The following PODXL2 variants were observed in gnomAD, a reference collection of about 807,000 sequenced individuals.
PODXL2 encodes the protein podocalyxin-like protein 2.
A neutral mutation model predicts 53.4 loss-of-function variants in PODXL2; 17 were observed. The ratio of observed to expected loss-of-function variants is 0.32; its 90% confidence interval spans 0.22 to 0.48. PODXL2 has a LOEUF of 0.48. PODXL2 is among the 20% of genes least tolerant of loss of function. PODXL2 has a pLI of 0.99. For missense variants in PODXL2, 673 were observed against 760.0 expected (o/e 0.89, Z 1.35); for synonymous variants, 311 against 306.7 (o/e 1.01, Z -0.15).
rs987856752 is a variant in PODXL2, at chr3:127,629,204, C to T, written c.-16C>T. On this transcript the variant is annotated 5_prime_UTR_variant, in exon 1 of 8. Transcript: ENST00000342480. The surrounding 1 kb of genome is among the most constrained non-coding windows in gnomAD (Gnocchi z 6.4). ...GGCGCCGCGCCGCTGCGGCTGCAGG[C>T]GGCGACGGCTACACCATGGGCCGGC... 8.2e-5 allele frequency: 81 copies of T among 985,220 alleles called. No homozygotes were observed. The highest frequency in any genetic ancestry group is 1.3e-4 in the Admixed American group (2 of 15,928). The allele number at this position is 985,220 out of a possible 1,614,324, so 61.0% of individuals were successfully genotyped here.
intron 2 of PODXL2, among the ~76,000 whole-genome samples, chr3:127,641,685 G>A (rs1027783471): frequency 1.3e-5 from 2 of 151,402 alleles, no homozygotes; most frequent in Admixed American, 1.3e-4. Flanking sequence ...GAATAATTTT[G>A]TATTTTTTTT....
In PODXL2 at chr3:127,629,942, G is replaced by A. The variant is rs537115259; in HGVS notation, c.70+653G>A. Reference sequence around the variant, plus strand: ...AGGCTCCCACGCAGCTCACACACGAGGGAGGTGTGAGACTCAGATGTGTGG... The same window carrying A: ...AGGCTCCCACGCAGCTCACACACGAAGGAGGTGTGAGACTCAGATGTGTGG... On this transcript the variant is annotated intron_variant, in intron 1 of 7. Coordinates refer to ENST00000342480, the MANE Select transcript of PODXL2 (RefSeq NM_015720.4). This position sits in a 1 kb window ranked among gnomAD's most constrained non-coding sequence, Gnocchi z 6.4. Among the ~76,000 whole-genome samples the A allele has an allele frequency of 1.1e-3, 173 of 152,236 alleles. No individual in the cohort carries two copies. Among genetic ancestry groups the A allele is most frequent in the African/African-American group, 3.9e-3 (164 of 41,540 alleles).
rs116613984 is a variant in PODXL2 at position 127,631,093 on chromosome 3, A to G, written c.70+1804A>G. Among the ~76,000 whole-genome samples, 435 of 152,114 alleles carry G rather than the reference A, an allele frequency of 2.9e-3. 1 individual carries two copies. Among genetic ancestry groups the G allele is most frequent in the African/African-American group, 8.9e-3 (369 of 41,486 alleles). ...CTAGCAGTGTGTCTCTTTCTTACACACCTTTGTGTGGAAGCCCTTCAGGGA... is the reference window on the plus strand; with the variant it reads ...CTAGCAGTGTGTCTCTTTCTTACACGCCTTTGTGTGGAAGCCCTTCAGGGA... On this transcript the variant is annotated intron_variant, in intron 1 of 7. Transcript: ENST00000342480.
chr3:127,639,654 A>G (rs1222229776), intron 2 of PODXL2, 131 bp downstream of exon 2: 2 of 879,878 alleles, frequency 2.3e-6, no homozygotes, highest in African/African-American at 1.7e-5. Context: ...GCTGCTGTTT[A>G]CCTGCACATC....
chr3:127,671,704 T>C, intron 7 of PODXL2, 91 bp downstream of exon 7: 6 of 1,260,290 alleles, frequency 4.8e-6, no homozygotes, highest in South Asian at 1.3e-5. Flanking sequence ...GCAGTGACTC[T>C]CCTGGGCGCA....
intron 6 of PODXL2, among the ~76,000 whole-genome samples, chr3:127,670,305 C>T (rs1435211126): frequency 1.3e-5 from 2 of 152,200 alleles, no homozygotes; most frequent in Non-Finnish European, 2.9e-5. Context: ...TGCAGGAAGC[C>T]TGATTCCGGA....
rs1296126251 is a variant in PODXL2 at position 127,671,630 on chromosome 3, G to T, written c.1605+17G>T. ...AAGCACGTGGTGAGTGTGGGGACAG[G>T]TGGGGCTGGGGGCCAGTTGAGAGGA... On this transcript the variant is annotated intron_variant, in intron 7 of 7. Coordinates refer to ENST00000342480, the MANE Select transcript of PODXL2 (RefSeq NM_015720.4). The T allele has an allele frequency of 1.2e-6, 2 of 1,609,432 alleles. No individual in the cohort carries two copies. The highest frequency in any genetic ancestry group is 1.7e-6 in the Non-Finnish European group (2 of 1,178,816).
rs9829640 is a variant in PODXL2 at position 127,632,274 on chromosome 3, G to A, written c.70+2985G>A. Reference sequence around the variant, plus strand: ...GGGTGTAGACGGCAGCAGCCTCCCCGCCTGCCATGCCACAGCCTCTCCCTG... The same window carrying A: ...GGGTGTAGACGGCAGCAGCCTCCCCACCTGCCATGCCACAGCCTCTCCCTG... On this transcript the variant is annotated intron_variant, in intron 1 of 7. Transcript: ENST00000342480. Among the ~76,000 whole-genome samples the A allele has an allele frequency of 2.6e-5, 4 of 152,114 alleles. No individual in the cohort carries two copies. In the South Asian group the frequency reaches 6.2e-4, roughly 24 times the overall value.
At chr3:127,655,370 C>T (rs2074715786) in intron 2 of PODXL2, among the ~76,000 whole-genome samples, 1 of 152,074 alleles carries the variant, frequency 6.6e-6, no homozygotes, top group Admixed American at 6.5e-5. Context: ...CACACCACTA[C>T]ACTTCAGCCT....
At chr3:127,631,694 A>G (rs989796601) in intron 1 of PODXL2, among the ~76,000 whole-genome samples, 1 of 152,244 alleles carries the variant, frequency 6.6e-6, no homozygotes, top group African/African-American at 2.4e-5. Flanking sequence ...CAGAATGGCT[A>G]TGTCTCAGCT....
At position 127,668,437 on chromosome 3, in the gene PODXL2, G is replaced by C; in HGVS notation, c.1207-4G>C. The C allele has an allele frequency of 6.5e-7, 1 of 1,536,786 alleles. No individual in the cohort carries two copies. Among genetic ancestry groups the C allele is most frequent in the South Asian group, 1.3e-5 (1 of 77,698 alleles). ...AACACGGGGGGCTCTTTCTGCCCTT[G>C]TAGGAGGTGTTCCGGCAGCACCGGG... On this transcript the variant is annotated splice_polypyrimidine_tract_variant and splice_region_variant and intron_variant, in intron 4 of 7. Coordinates refer to ENST00000342480, the MANE Select transcript of PODXL2 (RefSeq NM_015720.4).
intron 1 of PODXL2, among the ~76,000 whole-genome samples, chr3:127,630,033 C>T (rs1270765221): frequency 1.3e-5 from 2 of 152,022 alleles, no homozygotes; most frequent in Non-Finnish European, 2.9e-5. Flanking sequence ...GGGTGTGGCA[C>T]AGGTGTGAAA....
chr3:127,654,677 G>A (rs999892952), intron 2 of PODXL2, among the ~76,000 whole-genome samples: 11 of 151,988 alleles, frequency 7.2e-5, no homozygotes, highest in Non-Finnish European at 1.3e-4. Context: ...AGTTACATTC[G>A]GTATAAAAAA....
At chr3:127,654,132 C>T (rs980419646) in intron 2 of PODXL2, among the ~76,000 whole-genome samples, 1 of 152,128 alleles carries the variant, frequency 6.6e-6, no homozygotes, top group East Asian at 1.9e-4. Context: ...GCATTTAGTC[C>T]GCATGTCTCT....
At chr3:127,669,070 G>A (rs2074813948) in intron 5 of PODXL2, 71 bp from the exon 6 acceptor site, 2 of 1,007,268 alleles carry the variant, frequency 2.0e-6, no homozygotes, top group East Asian at 5.4e-5. Flanking sequence ...TTGGAGAGCG[G>A]GGCCAGAGCC....
intron 7 of PODXL2, 83 bp downstream of exon 7, chr3:127,671,696 A>G: frequency 7.4e-7 from 1 of 1,352,560 alleles, no homozygotes; most frequent in Non-Finnish European, 1.0e-6. Flanking sequence ...AAGGGGAGGC[A>G]GTGACTCTCC....
At chr3:127,652,351 G>T (rs1043922426) in intron 2 of PODXL2, among the ~76,000 whole-genome samples, 2 of 152,162 alleles carry the variant, frequency 1.3e-5, no homozygotes, top group Admixed American at 1.3e-4. Flanking sequence ...GAGCCACCAG[G>T]GGGGGCTGTG....
intron 2 of PODXL2, among the ~76,000 whole-genome samples, chr3:127,644,840 G>A (rs1192892533): frequency 6.6e-6 from 1 of 152,016 alleles, no homozygotes; most frequent in East Asian, 1.9e-4. Flanking sequence ...AGGCCAGGAG[G>A]CAGAGGAGGT....
chr3:127,672,243 A>G, intron 7 of PODXL2, 25 bp from the exon 8 acceptor site: 3 of 1,534,362 alleles, frequency 2.0e-6, no homozygotes, highest in Non-Finnish European at 2.6e-6. Flanking sequence ...TCGCTCGCCC[A>G]TGGCCTCTCC....
Sources: gnomAD v4.1 joint callset for allele counts (sites outside exome capture counted in the v4.1 genomes callset) on GRCh38, gnomAD v4.1.1 for gene constraint, Gnocchi (gnomAD v3.1) non-coding constraint, MANE v1.5 for transcripts, NCBI Gene and HGNC (gene_info 2026-07-23, HGNC 2026-07-21) for gene names.